Variants in FRAS1 observed in about 807,000 individuals in gnomAD.
FRAS1 encodes Fraser extracellular matrix complex subunit 1.
Under a neutral mutation model 435.2 loss-of-function variants are expected in FRAS1, and 290 were observed. The ratio of observed to expected loss-of-function variants is 0.67; its 90% CI spans 0.61 to 0.73. The LOEUF is 0.73. FRAS1 is among the 30% of genes least tolerant of loss of function. The probability of loss-of-function intolerance (pLI) is 0.00; values close to 1 mark genes in which losing one functional copy is unlikely to be tolerated. For missense variants in FRAS1, 4,860 were observed against 5,001.5 expected (o/e 0.97, Z 0.85); for synonymous variants, 1,800 against 1,851.0 (o/e 0.97, Z 0.71).
chr4:78,495,035 T>C (rs1720472976), intron 59 of FRAS1, among the ~76,000 whole-genome samples: 1 of 152,222 alleles, frequency 6.6e-6, no homozygotes, highest in Non-Finnish European at 1.5e-5. Flanking sequence ...TAATTTAATA[T>C]GTATAAAGTT....
intron 6 of FRAS1, among the ~76,000 whole-genome samples, chr4:78,261,547 G>T (rs1378235): frequency 6.6e-6 from 1 of 152,104 alleles, no homozygotes; most frequent in African/African-American, 2.4e-5. Flanking sequence ...ATGAAGCTTA[G>T]GAAGCATTTT....
intron 13 of FRAS1, chr4:78,286,115 GTTGTTT>G (rs1727584132): frequency 2.1e-6 from 1 of 483,084 alleles, no homozygotes; most frequent in East Asian, 4.7e-5. Flanking sequence ...CCATGGGCAA[GTTGTTT>G]AATCTCCCTG....
chr4:78,190,476 A>G (rs1177008799), intron 2 of FRAS1, among the ~76,000 whole-genome samples: 1 of 147,086 alleles, frequency 6.8e-6, no homozygotes, highest in Admixed American at 6.8e-5. Flanking sequence ...TTGTTTGGTT[A>G]TTTACTGTTT....
intron 58 of FRAS1, among the ~76,000 whole-genome samples, chr4:78,488,271 A>G (rs771068047): frequency 4.6e-5 from 7 of 152,210 alleles, no homozygotes; most frequent in Non-Finnish European, 8.8e-5. Context: ...TTTGTTTGCT[A>G]TTTTTGAATT....
At chr4:78,297,665 A>C (rs1210508142) in intron 14 of FRAS1, among the ~76,000 whole-genome samples, 2 of 152,212 alleles carry the variant, frequency 1.3e-5, no homozygotes, top group Non-Finnish European at 2.9e-5. Context: ...TATCTGTTAC[A>C]TGTGAGATAA....
At chr4:78,504,636 C>T (rs1325916746) in intron 61 of FRAS1, among the ~76,000 whole-genome samples, 4 of 152,200 alleles carry the variant, frequency 2.6e-5, no homozygotes, top group Admixed American at 6.5e-5. Context: ...TGAGATGGAT[C>T]TCCTGAATAC....
At chr4:78,065,075 T>TAC (rs1298827017) in intron 1 of FRAS1, among the ~76,000 whole-genome samples, 1 of 115,744 alleles carries the variant, frequency 8.6e-6, no homozygotes, top group South Asian at 2.8e-4. Flanking sequence ...TATATATATA[T>TAC]ATATATATAC....
intron 69 of FRAS1, 91 bp downstream of exon 69, chr4:78,522,899 C>A: frequency 8.7e-7 from 1 of 1,147,104 alleles, no homozygotes; most frequent in Non-Finnish European, 1.2e-6. Flanking sequence ...CCTCTGAAGG[C>A]TAGACTTTTA....
chr4:78,386,898 G>C (rs1022734661), intron 28 of FRAS1, among the ~76,000 whole-genome samples: 4 of 152,144 alleles, frequency 2.6e-5, no homozygotes, highest in African/African-American at 9.7e-5. Flanking sequence ...GCTCTGTCAA[G>C]ATTTGGATGA....
rs1024435664 is a variant in FRAS1 at position 78,428,584 on chromosome 4, G to A, written c.4712-511G>A. Among the ~76,000 whole-genome samples, 8 of 152,244 alleles carry A rather than the reference G, an allele frequency of 5.3e-5. No homozygotes were observed. In the South Asian group the frequency reaches 1.5e-3, roughly 28 times the overall value. ...GTGATCCGCCTGCCTCGGCCTCCCAGAGTGCTGGGATTACAGGTGTGAGCC... is the reference window on the plus strand; with the variant it reads ...GTGATCCGCCTGCCTCGGCCTCCCAAAGTGCTGGGATTACAGGTGTGAGCC... On this transcript the variant is annotated intron_variant, in intron 35 of 73. Transcript: ENST00000512123.
intron 2 of FRAS1, among the ~76,000 whole-genome samples, chr4:78,187,895 G>A (rs1400043437): frequency 1.3e-5 from 2 of 152,118 alleles, no homozygotes; most frequent in Non-Finnish European, 2.9e-5. Context: ...GAGCCACCAC[G>A]CCTGGCTCCT....
intron 2 of FRAS1, among the ~76,000 whole-genome samples, chr4:78,156,670 G>C (rs1186028177): frequency 6.6e-6 from 1 of 152,134 alleles, no homozygotes; most frequent in Admixed American, 6.6e-5. Context: ...TCTAAAAAAT[G>C]ACCTCTTTCT....
At chr4:78,213,303 C>T (rs184845994) in intron 2 of FRAS1, among the ~76,000 whole-genome samples, 1 of 152,272 alleles carries the variant, frequency 6.6e-6, no homozygotes. Flanking sequence ...AGGGAAAGGG[C>T]AGAACATGAA....
At chr4:78,532,508 C>T (rs1303623691) in intron 70 of FRAS1, among the ~76,000 whole-genome samples, 2 of 152,320 alleles carry the variant, frequency 1.3e-5, no homozygotes, top group African/African-American at 4.8e-5. Context: ...CCTGCATTCA[C>T]ACGTGTGTGT....
intron 2 of FRAS1, among the ~76,000 whole-genome samples, chr4:78,090,185 A>G (rs1741439361): frequency 6.6e-6 from 1 of 152,236 alleles, no homozygotes; most frequent in Non-Finnish European, 1.5e-5. Context: ...AAAGAACAAC[A>G]TAGTACTCTA....
intron 30 of FRAS1, among the ~76,000 whole-genome samples, chr4:78,404,407 CAA>C (rs769957965): frequency 4.8e-4 from 56 of 115,816 alleles, no homozygotes; most frequent in African/African-American, 4.8e-4. Context: ...TGAGGTACTA[CAA>C]AAAAAAAAAA....
At chr4:78,440,644 A>G (rs1234947870) in intron 40 of FRAS1, among the ~76,000 whole-genome samples, 1 of 152,240 alleles carries the variant, frequency 6.6e-6, no homozygotes, top group Non-Finnish European at 1.5e-5. Context: ...TGACATTAAG[A>G]TAAGCACTAG....
rs556582931 is a variant in FRAS1 at position 78,365,929 on chromosome 4, C to T, written c.2722+1875C>T. ...GCAGTGAGCTGAGATCACGCCATTG[C>T]ACTCCAGCCTGGGTGACAGAGCAAG... On this transcript the variant is annotated intron_variant, in intron 22 of 73. Transcript: ENST00000512123. Among the ~76,000 whole-genome samples, 5 of 150,146 alleles carry T rather than the reference C, an allele frequency of 3.3e-5. No individual in the cohort carries two copies. The East Asian group carries it at 9.8e-4, about 29-fold the overall frequency.
chr4:78,076,605 G>C (rs185446653), intron 2 of FRAS1, among the ~76,000 whole-genome samples: 6 of 152,258 alleles, frequency 3.9e-5, no homozygotes, highest in Non-Finnish European at 5.9e-5. Flanking sequence ...TTTATCAGCT[G>C]TATCAATTCC....
Sources: allele counts gnomAD v4.1 joint callset (sites outside exome capture counted in the v4.1 genomes callset), GRCh38; gene constraint gnomAD v4.1.1; transcripts MANE v1.5; gene names NCBI Gene and HGNC (gene_info 2026-07-23, HGNC 2026-07-21).